The following KIAA1671 variants were observed in gnomAD, a reference collection of about 807,000 sequenced individuals.
The protein encoded by KIAA1671 is uncharacterized protein KIAA1671.
Under a neutral mutation model 131.2 loss-of-function variants are expected in KIAA1671, and 52 were observed. The ratio of observed to expected loss-of-function variants is 0.40; its 90% CI spans 0.32 to 0.50. KIAA1671 has a LOEUF of 0.50. Among genes scored for constraint, KIAA1671 ranks in the 20% least tolerant of loss-of-function variants. The pLI is 0.73. For missense variants in KIAA1671, 2,360 were observed against 2,364.2 expected, an observed-to-expected ratio of 1.00 and a Z score of 0.04; for synonymous variants, 1,003 against 961.6, an observed-to-expected ratio of 1.04 and a Z score of -0.80.
At chr22:24,974,899 G>A (rs1329588452) in intron 1 of KIAA1671, among the ~76,000 whole-genome samples, 1 of 151,958 alleles carries the variant, frequency 6.6e-6, no homozygotes, top group Non-Finnish European at 1.5e-5. Flanking sequence ...TCACCACACT[G>A]GTCAGGCTGG....
At chr22:25,006,018 C>G (rs1432745764) in intron 1 of KIAA1671, among the ~76,000 whole-genome samples, 1 of 151,930 alleles carries the variant, frequency 6.6e-6, no homozygotes, top group Admixed American at 6.6e-5. Flanking sequence ...ATTGAATAGC[C>G]AATTTTATTT....
At chr22:25,141,887 C>A (rs976477769) in intron 6 of KIAA1671, among the ~76,000 whole-genome samples, 1 of 152,188 alleles carries the variant, frequency 6.6e-6, no homozygotes, top group Non-Finnish European at 1.5e-5. Context: ...AACCCTGGCT[C>A]GGTGATGTGT....
intron 3 of KIAA1671, among the ~76,000 whole-genome samples, chr22:25,029,991 G>A (rs1048235774): frequency 6.6e-6 from 1 of 152,184 alleles, no homozygotes; most frequent in African/African-American, 2.4e-5. Context: ...AAACTCAGAG[G>A]AGTCAAGGTA....
At chr22:25,070,386 C>G in intron 6 of KIAA1671, 1 of 515,986 alleles carries the variant, frequency 1.9e-6, no homozygotes, top group Non-Finnish European at 3.6e-6. Flanking sequence ...ACTACTGCCC[C>G]AGCCTGCTGA....
intron 6 of KIAA1671, among the ~76,000 whole-genome samples, chr22:25,145,188 C>T (rs1426560482): frequency 1.3e-5 from 2 of 152,170 alleles, no homozygotes; most frequent in African/African-American, 4.8e-5. Context: ...AACCATCTCT[C>T]GCCTGTCAAC....
chr22:25,027,832 G>C (rs1926033671), intron 2 of KIAA1671, 113 bp from the exon 3 acceptor site: 1 of 582,106 alleles, frequency 1.7e-6, no homozygotes, highest in African/African-American at 1.9e-5. Context: ...GCAGAGGGCT[G>C]TCGTATGGAA....
chr22:24,976,991 A>AG (rs1036116326), intron 1 of KIAA1671, among the ~76,000 whole-genome samples: 2 of 152,140 alleles, frequency 1.3e-5, no homozygotes, highest in African/African-American at 4.8e-5. Context: ...TGTGAAACGC[A>AG]GGGGAAGTTC....
chr22:24,995,772 A>G (rs540975829), intron 1 of KIAA1671, among the ~76,000 whole-genome samples: 13 of 152,368 alleles, frequency 8.5e-5, no homozygotes, highest in African/African-American at 2.9e-4. Flanking sequence ...TTTAATCCTC[A>G]CAAAAGCATG....
chr22:25,071,777 G>A (rs1331547339), intron 6 of KIAA1671, among the ~76,000 whole-genome samples: 1 of 152,070 alleles, frequency 6.6e-6, no homozygotes, highest in Non-Finnish European at 1.5e-5. Flanking sequence ...AAATGGCTAC[G>A]ATCTCATGTT....
intron 6 of KIAA1671, among the ~76,000 whole-genome samples, chr22:25,067,687 T>C (rs1436240842): frequency 6.6e-6 from 1 of 152,160 alleles, no homozygotes; most frequent in Non-Finnish European, 1.5e-5. Flanking sequence ...CCTGTCTGCC[T>C]CCTTCCAGCC....
intron 1 of KIAA1671, among the ~76,000 whole-genome samples, chr22:24,983,570 G>C (rs960981477): frequency 6.6e-6 from 1 of 151,736 alleles, no homozygotes; most frequent in African/African-American, 2.4e-5. Flanking sequence ...ACTGAAGAAG[G>C]GCCATTAAAG....
intron 5 of KIAA1671, among the ~76,000 whole-genome samples, chr22:25,045,675 C>T (rs908255544): frequency 7.9e-5 from 12 of 152,080 alleles, no homozygotes; most frequent in African/African-American, 1.7e-4. Context: ...CTGCAACCCC[C>T]GCCTCCCGGG....
At chr22:25,115,586 T>C (rs1931610132) in intron 6 of KIAA1671, among the ~76,000 whole-genome samples, 1 of 152,102 alleles carries the variant, frequency 6.6e-6, no homozygotes, top group East Asian at 1.9e-4. Context: ...ACGTTGCTTT[T>C]TGGGGGGCTC....
rs1010117370 is a variant in KIAA1671, at chr22:25,039,165, C to T, written c.2035C>T (p.Pro679Ser). 8 of 1,551,712 alleles carry T rather than the reference C, an allele frequency of 5.2e-6. No homozygotes were observed. Among genetic ancestry groups the T allele is most frequent in the African/African-American group, 1.4e-5 (1 of 73,074 alleles). Residue 679 changes from proline (P) to serine (S), a missense_variant, in exon 5 of 13, where the codon CCC (proline) becomes TCC (serine). Pro to Ser is a moderately conservative substitution (Grantham distance 74). Coordinates refer to ENST00000358431, the MANE Select transcript of KIAA1671 (RefSeq NM_001145206.2). Reference protein sequence around the residue: ...KKENSRGFDNPETEKLGPTTL... With the variant: ...KKENSRGFDNSETEKLGPTTL... ...AGAGAACTCCAGAGGGTTTGACAAT[C>T]CCGAGACGGAGAAATTGGGACCAAC...
chr22:25,113,714 C>T (rs947909227), intron 6 of KIAA1671, among the ~76,000 whole-genome samples: 1 of 152,252 alleles, frequency 6.6e-6, no homozygotes, highest in African/African-American at 2.4e-5. Context: ...CACAGGACGT[C>T]TCCTTCACAG....
intron 1 of KIAA1671, among the ~76,000 whole-genome samples, chr22:25,020,771 A>G (rs1294951324): frequency 2.0e-5 from 3 of 152,140 alleles, no homozygotes; most frequent in Admixed American, 1.3e-4. Flanking sequence ...GAAAGCGTAC[A>G]CTGTGTTTTG....
At chr22:25,132,237 G>T (rs1461132563) in intron 6 of KIAA1671, among the ~76,000 whole-genome samples, 1 of 152,072 alleles carries the variant, frequency 6.6e-6, no homozygotes, top group East Asian at 1.9e-4. Flanking sequence ...GCAAACTATT[G>T]TTAGAGAACG....
intron 1 of KIAA1671, among the ~76,000 whole-genome samples, chr22:24,965,381 C>T (rs898721018): frequency 2.0e-5 from 3 of 150,854 alleles, no homozygotes; most frequent in African/African-American, 7.3e-5. Context: ...CGCCAGTGCA[C>T]GCCAGCCTGG....
chr22:25,005,346 TA>T (rs569086369), intron 1 of KIAA1671, among the ~76,000 whole-genome samples: 538 of 111,438 alleles, frequency 4.8e-3, no homozygotes, highest in East Asian at 0.012. Context: ...AGACTCCATC[TA>T]AAAAAAAAAA....
Sources: gnomAD v4.1 joint callset for allele counts (sites outside exome capture counted in the v4.1 genomes callset) on GRCh38, gnomAD v4.1.1 for gene constraint, MANE v1.5 for transcripts, NCBI Gene and HGNC (gene_info 2026-07-23, HGNC 2026-07-21) for gene names.